The following ARL13B variants were observed in gnomAD, a reference collection of about 807,000 sequenced individuals.
The protein encoded by ARL13B is ADP-ribosylation factor-like protein 13B.
A neutral mutation model predicts 56.1 loss-of-function variants in ARL13B; 36 were observed. The ratio of observed to expected loss-of-function variants is 0.64; its 90% CI spans 0.49 to 0.85. ARL13B has a LOEUF of 0.85. Among genes scored for constraint, ARL13B ranks in the 40% least tolerant of loss-of-function variants. The pLI is 0.00. For missense variants in ARL13B, 519 were observed against 507.1 expected, an observed-to-expected ratio of 1.02 and a Z score of -0.23; for synonymous variants, 178 against 171.1, an observed-to-expected ratio of 1.04 and a Z score of -0.32.
At chr3:93,980,538 A>G in intron 1 of ARL13B, 56 bp downstream of exon 1, 1 of 1,596,594 alleles carries the variant, frequency 6.3e-7, no homozygotes, top group Non-Finnish European at 8.5e-7. Context: ...GCTGCGCCCC[A>G]GGGGCGAGGC....
At chr3:94,038,768 G>A (rs1024283610) in intron 5 of ARL13B, among the ~76,000 whole-genome samples, 7 of 151,896 alleles carry the variant, frequency 4.6e-5, no homozygotes, top group South Asian at 4.2e-4. Context: ...TGATCCACCC[G>A]CCTCGGCCTC....
intron 9 of ARL13B, among the ~76,000 whole-genome samples, 184 bp from the exon 10 acceptor site, chr3:94,053,003 C>T (rs538969651): frequency 6.6e-6 from 1 of 152,162 alleles, no homozygotes; most frequent in African/African-American, 2.4e-5. Flanking sequence ...AATGTTGGTG[C>T]CATCTCTTAA....
At chr3:94,044,166 G>C (rs1202271380) in intron 7 of ARL13B, among the ~76,000 whole-genome samples, 9 of 151,800 alleles carry the variant, frequency 5.9e-5, no homozygotes, top group Non-Finnish European at 1.0e-4. Flanking sequence ...CATCTGGGAA[G>C]TGTGGAGCGC....
At chr3:93,989,756 A>C (rs922329323) in intron 1 of ARL13B, among the ~76,000 whole-genome samples, 2 of 152,286 alleles carry the variant, frequency 1.3e-5, no homozygotes, top group African/African-American at 4.8e-5. Flanking sequence ...ACTTGAACTC[A>C]GGTCTCTAAC....
At chr3:94,008,930 A>G (rs1014860074) in intron 3 of ARL13B, among the ~76,000 whole-genome samples, 14 of 152,134 alleles carry the variant, frequency 9.2e-5, no homozygotes, top group South Asian at 2.1e-4. Context: ...AGCAAAAGTG[A>G]TATATGTATA....
In ARL13B at chr3:94,043,799, A is replaced by C. The variant is rs544432796; in HGVS notation, c.1024+559A>C. ...TAGCCTGCCGAGTGCCTGGGATTCC[A>C]GGCACGCGCCGCCACTCCTGACTGG... On this transcript the variant is annotated intron_variant, in intron 7 of 9. Transcript: ENST00000394222. 6.2e-3 allele frequency among the ~76,000 whole-genome samples: 890 copies of C among 143,392 alleles called. 8 individuals are homozygous for C. Among genetic ancestry groups the C allele is most frequent in the Middle Eastern group, 0.015 (4 of 274 alleles). 94.1% of individuals were successfully genotyped at this position (143,392 alleles called of 152,430 possible).
intron 7 of ARL13B, among the ~76,000 whole-genome samples, chr3:94,045,340 A>G (rs559530353): frequency 6.6e-6 from 1 of 152,094 alleles, no homozygotes; most frequent in Admixed American, 6.5e-5. Flanking sequence ...TAGGAAAACC[A>G]GAGACCTTTG....
rs150821066 is a variant in ARL13B at position 94,049,451 on chromosome 3, A to G, written c.1070A>G (p.His357Arg). 2.5e-4 allele frequency: 395 copies of G among 1,610,182 alleles called. 1 individual carries two copies. Among genetic ancestry groups the G allele is most frequent in the Non-Finnish European group, 3.2e-4 (383 of 1,178,522 alleles). ...AAGAAACTAAGAATGAAAAGGAACC[A>G]CCGGGTAGAACCACTTAATATAGAT... The part of the protein sequence containing the change: ...KTKKLRMKRN[H>R]RVEPLNIDDC... The change falls in exon 8 of 10, where the codon CAC (histidine) becomes CGC (arginine). Residue 357 changes from histidine to arginine, a missense_variant. Coordinates refer to ENST00000394222, the MANE Select transcript of ARL13B (RefSeq NM_001174150.2).
At chr3:93,981,195 T>C (rs1438839826) in intron 1 of ARL13B, among the ~76,000 whole-genome samples, 1 of 152,220 alleles carries the variant, frequency 6.6e-6, no homozygotes, top group East Asian at 1.9e-4. Context: ...TCAAAAAATA[T>C]TTATTAAGAC....
rs563278201 is a variant in ARL13B at position 94,051,409 on chromosome 3, G to C, written c.1210+517G>C. 2.0e-4 allele frequency among the ~76,000 whole-genome samples: 30 copies of C among 152,166 alleles called. No individual in the cohort carries two copies. In the South Asian group the frequency reaches 5.8e-3, roughly 29 times the overall value. The stretch of plus-strand genomic sequence containing the variant: ...AAACCTAATAAAGTTCGACTAAGTA[G>C]AAAGTTACTAACATTTTTATTGAAT... On this transcript the variant is annotated intron_variant, in intron 9 of 9. Coordinates refer to ENST00000394222, the MANE Select transcript of ARL13B (RefSeq NM_001174150.2).
chr3:94,045,135 T>C (rs2076958467), intron 7 of ARL13B, among the ~76,000 whole-genome samples: 1 of 152,214 alleles, frequency 6.6e-6, no homozygotes, highest in African/African-American at 2.4e-5. Flanking sequence ...GCTGTTAATC[T>C]ATAACCTTAC....
At chr3:94,023,872 ATGT>A (rs571743978) in intron 3 of ARL13B, among the ~76,000 whole-genome samples, 2,171 of 152,300 alleles carry the variant, frequency 0.014, 21 homozygotes, top group Admixed American at 0.022. Flanking sequence ...ATCTAAAATA[ATGT>A]TGTTGTTTGA....
intron 1 of ARL13B, among the ~76,000 whole-genome samples, chr3:93,993,066 A>G (rs532414976): frequency 1.3e-5 from 2 of 151,592 alleles, no homozygotes; most frequent in Admixed American, 1.3e-4. Flanking sequence ...CAGCCTCCCA[A>G]AGTGCTGAGA....
At chr3:94,014,876 T>C (rs2076295610) in intron 3 of ARL13B, 3 of 1,613,924 alleles carry the variant, frequency 1.9e-6, no homozygotes, top group African/African-American at 2.7e-5. Context: ...GATTTAAGTA[T>C]CCTTGTGACC....
chr3:94,044,842 C>T (rs2076952918), intron 7 of ARL13B, among the ~76,000 whole-genome samples: 1 of 149,106 alleles, frequency 6.7e-6, no homozygotes, highest in Non-Finnish European at 1.5e-5. Flanking sequence ...CCCGGCCGCC[C>T]CGTCTGGGAA....
chr3:94,041,019 C>T (rs189029157), intron 6 of ARL13B, among the ~76,000 whole-genome samples: 14 of 151,396 alleles, frequency 9.2e-5, no homozygotes, highest in Admixed American at 5.3e-4. Context: ...GTACACTTAA[C>T]GCTTTGAAAC....
chr3:94,041,861 C>T (rs2076868679), intron 6 of ARL13B, among the ~76,000 whole-genome samples: 1 of 152,070 alleles, frequency 6.6e-6, no homozygotes, highest in Admixed American at 6.6e-5. Context: ...GAGTTCAAGA[C>T]CAGCCTGGCC....
intron 3 of ARL13B, among the ~76,000 whole-genome samples, chr3:94,007,322 T>G (rs927775173): frequency 6.6e-6 from 1 of 152,188 alleles, no homozygotes; most frequent in East Asian, 1.9e-4. Context: ...ATGACCACAG[T>G]AGCAGGTTGT....
At chr3:93,997,219 T>A (rs2107392574) in intron 2 of ARL13B, among the ~76,000 whole-genome samples, 1 of 152,282 alleles carries the variant, frequency 6.6e-6, no homozygotes, top group South Asian at 2.1e-4. Context: ...TGTGCTTGAA[T>A]CATCCTGAAA....
Sources: gnomAD v4.1 joint callset for allele counts (sites outside exome capture counted in the v4.1 genomes callset) on GRCh38, gnomAD v4.1.1 for gene constraint, MANE v1.5 for transcripts, NCBI Gene and HGNC (gene_info 2026-07-23, HGNC 2026-07-21) for gene names.